ANPEP: variants seen among roughly 807,000 people sequenced by gnomAD.
The protein encoded by ANPEP is alanyl aminopeptidase, membrane.
A neutral mutation model predicts 114.6 loss-of-function variants in ANPEP; 70 were observed. That is an observed-to-expected ratio of 0.61 (90% CI 0.50 to 0.75). The LOEUF (loss-of-function observed/expected upper bound fraction) is 0.75, where lower values mean the gene tolerates loss of function less well. ANPEP is among the 30% of genes least tolerant of loss of function. ANPEP has a pLI of 0.00. For missense variants in ANPEP, 1,184 were observed against 1,259.5 expected (o/e 0.94, Z 0.91); for synonymous variants, 548 against 522.3 (o/e 1.05, Z -0.67).
In ANPEP at chr15:89,790,545, CAGGGAGGGAGAGAGGTGAACTGTG is replaced by C. The variant is rs764266719; in HGVS notation, c.2670-28_2670-5del. On this transcript the variant is annotated splice_region_variant and splice_polypyrimidine_tract_variant and intron_variant, in intron 19 of 20. Transcript: ENST00000300060. Reference sequence around the variant, plus strand: ...GGAGAACGAGCCACCACCATAACTGCAGGGAGGGAGAGAGGTGAACTGTGAGGGAGGCCGGGAACTAAGGAGGCT... The same window carrying C: ...GGAGAACGAGCCACCACCATAACTGCAGGGAGGCCGGGAACTAAGGAGGCT... The C allele has an allele frequency of 1.2e-6, 2 of 1,613,224 alleles. No homozygotes were observed. Among genetic ancestry groups the C allele is most frequent in the African/African-American group, 2.7e-5 (2 of 74,886 alleles).
intron 3 of ANPEP, 22 bp downstream of exon 3, chr15:89,805,299 G>A: frequency 6.2e-7 from 1 of 1,613,054 alleles, no homozygotes; most frequent in Non-Finnish European, 8.5e-7. Flanking sequence ...TGGCCCTGTG[G>A]CCGCAGGCAG....
chr15:89,813,260 C>T (rs2141818484), intron 1 of ANPEP, among the ~76,000 whole-genome samples: 1 of 152,342 alleles, frequency 6.6e-6, no homozygotes, highest in East Asian at 1.9e-4. Context: ...AACACCTTGG[C>T]TCCTTCCGAC....
Position 89,806,152 on chromosome 15 carries a change from G to A in ANPEP, c.432C>T (p.Gly144=), listed in dbSNP as rs773567076. Residue 144 remains glycine (G), a synonymous_variant, in exon 2 of 21, where the codon GGC becomes GGT. Transcript: ENST00000300060. This position sits in a 1 kb window ranked among gnomAD's most constrained non-coding sequence, Gnocchi z 5.7. ...TCTTGTCAATGTCGGGGGGCTGGGA[G>A]CCTCCCACACCACGCAGGACCACCC... ...GHRVVLRGVG[G]SQPPDIDKTE... is the part of the protein sequence containing the mutation. 3 of 1,614,042 alleles carry A rather than the reference G, an allele frequency of 1.9e-6. No individual in the cohort carries two copies. The South Asian group carries it at 3.3e-5, about 18-fold the overall frequency.
chr15:89,805,266 C>A, intron 3 of ANPEP, 49 bp from the exon 4 acceptor site: 3 of 1,613,112 alleles, frequency 1.9e-6, no homozygotes, highest in Non-Finnish European at 2.5e-6. Flanking sequence ...TGCCCCACAC[C>A]CCAGCCCAGG....
At chr15:89,785,609 T>C (rs1254898936) in intron 20 of ANPEP, 108 bp from the exon 21 acceptor site, 1 of 1,479,932 alleles carries the variant, frequency 6.8e-7, no homozygotes, top group Non-Finnish European at 9.2e-7. Context: ...TCCCCATGGA[T>C]GGGACCACAC....
rs200485322 is a variant in ANPEP at position 89,806,303 on chromosome 15, G to T, written c.281C>A (p.Thr94Asn). Reference protein sequence around the residue: ...SYRVTLRPYLTPNDRGLYVFK... With the variant: ...SYRVTLRPYLNPNDRGLYVFK... Reference sequence around the variant, plus strand: ...AACGTACAGGCCCCTGTCATTGGGGGTGAGGTACGGTCTCAGCGTCACCCG... The same window carrying T: ...AACGTACAGGCCCCTGTCATTGGGGTTGAGGTACGGTCTCAGCGTCACCCG... Residue 94 changes from threonine (T) to asparagine (N), a missense_variant, in exon 2 of 21, where the codon ACC (threonine) becomes AAC (asparagine). Coordinates refer to ENST00000300060, the MANE Select transcript of ANPEP (RefSeq NM_001150.3). This position sits in a 1 kb window ranked among gnomAD's most constrained non-coding sequence, Gnocchi z 5.7. 1.2e-6 allele frequency: 2 copies of T among 1,614,182 alleles called. No homozygotes were observed. The highest frequency in any genetic ancestry group is 4.5e-5 in the East Asian group (2 of 44,884).
chr15:89,788,980 T>C (rs929997430), intron 20 of ANPEP, among the ~76,000 whole-genome samples: 1 of 151,554 alleles, frequency 6.6e-6, no homozygotes, highest in Non-Finnish European at 1.5e-5. Context: ...ATGAATTATA[T>C]ATCAATTTTT....
intron 2 of ANPEP, 77 bp downstream of exon 2, chr15:89,805,893 C>A: frequency 2.0e-6 from 3 of 1,523,000 alleles, no homozygotes; most frequent in Non-Finnish European, 2.6e-6. Flanking sequence ...CAAGCTAAGT[C>A]CTTCCTTGGC....
In ANPEP at chr15:89,805,167, G is replaced by A; in HGVS notation, c.808C>T (p.His270Tyr). The change falls in exon 4 of 21, where the codon CAC becomes TAC. Residue 270 changes from histidine (H) to tyrosine (Y), a missense_variant. By Grantham distance (83) the His-to-Tyr change is moderately conservative. Coordinates refer to ENST00000300060, the MANE Select transcript of ANPEP (RefSeq NM_001150.3). Reference protein sequence around the residue: ...EDPNWNVTEFHTTPKMSTYLL... With the variant: ...EDPNWNVTEFYTTPKMSTYLL... The stretch of plus-strand genomic sequence containing the variant: ...TACGTGGACATCTTGGGCGTGGTGT[G>A]GAACTCAGTGACATTCCAGTTGGGG... 1 of 1,614,218 alleles carries A rather than the reference G, an allele frequency of 6.2e-7. No individual in the cohort carries two copies. Among genetic ancestry groups the A allele is most frequent in the Non-Finnish European group, 8.5e-7 (1 of 1,180,042 alleles).
intron 20 of ANPEP, among the ~76,000 whole-genome samples, chr15:89,789,262 G>A (rs1480778962): frequency 6.6e-6 from 1 of 151,904 alleles, no homozygotes; most frequent in African/African-American, 2.4e-5. Context: ...CTACAGGTGT[G>A]AGCCACCACG....
chr15:89,791,019 T>C lies in ANPEP; in HGVS notation c.2603A>G (p.Asn868Ser), dbSNP rs768277577. Residue 868 changes from asparagine (N) to serine (S), a missense_variant, in exon 19 of 21, where the codon AAC becomes AGC. By Grantham distance (46) the Asn-to-Ser change is conservative. Coordinates refer to ENST00000300060, the MANE Select transcript of ANPEP (RefSeq NM_001150.3). ...DATSTIISIT[N>S]NVIGQGLVWD... ...GACCAGACCTTGCCCAATGACGTTG[T>C]TGGTAATGCTGATGATGGTAGAGGT... The C allele has an allele frequency of 3.3e-5, 54 of 1,614,088 alleles. No individual in the cohort carries two copies. The highest frequency in any genetic ancestry group is 4.1e-5 in the Non-Finnish European group (48 of 1,180,032).
At chr15:89,809,890 CG>C (rs1894787998) in intron 1 of ANPEP, among the ~76,000 whole-genome samples, 2 of 152,220 alleles carry the variant, frequency 1.3e-5, no homozygotes, top group South Asian at 4.1e-4. Context: ...CCCAGATCAT[CG>C]GGGCTTTTTC....
intron 1 of ANPEP, among the ~76,000 whole-genome samples, chr15:89,812,178 G>A (rs985458658): frequency 7.9e-5 from 12 of 152,326 alleles, no homozygotes; most frequent in East Asian, 1.9e-4. Context: ...ACCCGTGGCC[G>A]GGTGAGCTGC....
chr15:89,797,261 A>G (rs1248300430), intron 15 of ANPEP, among the ~76,000 whole-genome samples: 1 of 152,142 alleles, frequency 6.6e-6, no homozygotes, highest in Non-Finnish European at 1.5e-5. Context: ...TGAAAGCGTT[A>G]ATTCCCCATA....
intron 1 of ANPEP, among the ~76,000 whole-genome samples, chr15:89,814,415 C>A (rs112254935): frequency 3.3e-5 from 5 of 152,074 alleles, no homozygotes; most frequent in East Asian, 3.9e-4. Context: ...CGCGGCCGAG[C>A]CGGGTCCACC....
intron 1 of ANPEP, among the ~76,000 whole-genome samples, chr15:89,809,981 C>T (rs775699910): frequency 4.6e-5 from 7 of 152,172 alleles, no homozygotes; most frequent in Non-Finnish European, 8.8e-5. Flanking sequence ...CCTACTCATC[C>T]TTCAAAACCC....
chr15:89,804,582 C>T lies in ANPEP; in HGVS notation c.933G>A (p.Ala311=), dbSNP rs544473979. Residue 311 remains alanine, a synonymous_variant, in exon 5 of 21, where the codon GCG becomes GCA. Transcript: ENST00000300060. ...RIWARPSAIA[A]GHGDYALNVT... is the part of the protein sequence containing the mutation. Reference sequence around the variant, plus strand: ...CGTTCAGGGCATAATCGCCGTGGCCCGCCGCAATGGCACTGGGCCGGGCCC... The same window carrying T: ...CGTTCAGGGCATAATCGCCGTGGCCTGCCGCAATGGCACTGGGCCGGGCCC... 3.3e-5 allele frequency: 53 copies of T among 1,614,080 alleles called. No homozygotes were observed. Among genetic ancestry groups the T allele is most frequent in the African/African-American group, 8.0e-5 (6 of 75,060 alleles).
At chr15:89,785,623 G>T in intron 20 of ANPEP, 122 bp from the exon 21 acceptor site, 2 of 1,379,316 alleles carry the variant, frequency 1.4e-6, no homozygotes, top group Non-Finnish European at 2.0e-6. Context: ...ACCACACCCT[G>T]TTCCAGGGAT....
Position 89,799,276 on chromosome 15 carries a change from C to A in ANPEP, c.1993G>T (p.Ala665Ser), listed in dbSNP as rs374140510. Residue 665 changes from alanine (A) to serine (S), a missense_variant, in exon 14 of 21, where the codon GCC becomes TCC. By Grantham distance (99) the Ala-to-Ser change is moderately conservative. Transcript: ENST00000300060. The surrounding 1 kb of genome is among the most constrained non-coding windows in gnomAD (Gnocchi z 4.2). ...VINRAQIIND[A>S]FNLASAHKVP... ...AGCACTCACCTGGCCAGGTTGAAGG[C>A]GTCATTAATGATCTGTGCCCGATTG... 4 of 1,614,134 alleles carry A rather than the reference C, an allele frequency of 2.5e-6. No individual in the cohort carries two copies. In the South Asian group the frequency reaches 3.3e-5, roughly 13 times the overall value.
Sources: allele counts gnomAD v4.1 joint callset (sites outside exome capture counted in the v4.1 genomes callset), GRCh38; gene constraint gnomAD v4.1.1; non-coding constraint Gnocchi (gnomAD v3.1); transcripts MANE v1.5; gene names NCBI Gene and HGNC (gene_info 2026-07-23, HGNC 2026-07-21).